The following MYH11 variants were observed in gnomAD, a reference collection of about 807,000 sequenced individuals.
The protein encoded by MYH11 is myosin-11.
A neutral mutation model predicts 246.6 loss-of-function variants in MYH11; 80 were observed. The observed-to-expected ratio is 0.32, with a 90% CI of 0.27 to 0.39. The LOEUF (loss-of-function observed/expected upper bound fraction) is 0.39, where lower values mean the gene tolerates loss of function less well. Among genes scored for constraint, MYH11 ranks in the 10% least tolerant of loss-of-function variants. The pLI is 1.00. For missense variants in MYH11, 2,158 were observed against 2,546.8 expected, an observed-to-expected ratio of 0.85 and a Z score of 3.29; for synonymous variants, 1,071 against 1,015.5, an observed-to-expected ratio of 1.05 and a Z score of -1.04.
At chr16:15,730,068 C>T (rs1289767176) in intron 27 of MYH11, among the ~76,000 whole-genome samples, 1 of 152,080 alleles carries the variant, frequency 6.6e-6, no homozygotes, top group East Asian at 1.9e-4. Flanking sequence ...TGTCTGGCAG[C>T]TCCCCATTCT....
At chr16:15,816,376 G>A (rs2043263447) in intron 3 of MYH11, among the ~76,000 whole-genome samples, 2 of 151,956 alleles carry the variant, frequency 1.3e-5, no homozygotes, top group African/African-American at 2.4e-5. Context: ...AGATTTTGGG[G>A]CAGAATTGGT....
At chr16:15,708,698 G>A in intron 40 of MYH11, 1 of 1,245,438 alleles carries the variant, frequency 8.0e-7, no homozygotes, top group Non-Finnish European at 1.2e-6. Context: ...GAATCTCGTG[G>A]AAATGTGCAA....
chr16:15,733,158 G>A (rs568248929), intron 26 of MYH11, among the ~76,000 whole-genome samples: 1 of 152,316 alleles, frequency 6.6e-6, no homozygotes, highest in South Asian at 2.1e-4. Flanking sequence ...AGGGTAAGCA[G>A]TTTTACCCAT....
chr16:15,752,043 C>A (rs765045199), intron 15 of MYH11, among the ~76,000 whole-genome samples: 1 of 151,966 alleles, frequency 6.6e-6, no homozygotes, highest in African/African-American at 2.4e-5. Context: ...CCTCCTGCCT[C>A]AGCCTCCCAA....
At chr16:15,745,582 CTTTT>C (rs71981525) in intron 19 of MYH11, among the ~76,000 whole-genome samples, 10 of 94,382 alleles carry the variant, frequency 1.1e-4, no homozygotes, top group African/African-American at 2.8e-4. Flanking sequence ...TTCTTTCTTT[CTTTT>C]TTTTTTTTTT....
At chr16:15,734,629 G>C (rs1294167684) in intron 26 of MYH11, among the ~76,000 whole-genome samples, 3 of 152,136 alleles carry the variant, frequency 2.0e-5, no homozygotes, top group Non-Finnish European at 1.5e-5. Context: ...CTTTTCTATA[G>C]TTTTCAAATT....
chr16:15,728,448 AAGT>A (rs2040863244), intron 27 of MYH11, among the ~76,000 whole-genome samples: 1 of 152,202 alleles, frequency 6.6e-6, no homozygotes, highest in Non-Finnish European at 1.5e-5. Context: ...TGCCACATCT[AAGT>A]AGCGGCTGGC....
At chr16:15,719,759 C>G in intron 34 of MYH11, 46 bp from the exon 35 acceptor site, 1 of 1,613,094 alleles carries the variant, frequency 6.2e-7, no homozygotes, top group South Asian at 1.1e-5. Flanking sequence ...CCTTACTCCC[C>G]CAAGTTCTGC....
At chr16:15,727,195 T>C in intron 27 of MYH11, 141 bp from the exon 28 acceptor site, 1 of 740,068 alleles carries the variant, frequency 1.4e-6, no homozygotes, top group Non-Finnish European at 2.3e-6. Context: ...GATTTGGGGT[T>C]TTTTTGTTGT....
intron 40 of MYH11, among the ~76,000 whole-genome samples, chr16:15,706,907 A>G (rs571861850): frequency 1.2e-3 from 187 of 152,270 alleles, no homozygotes; most frequent in Non-Finnish European, 1.9e-3. Context: ...AGCCTGCAAG[A>G]TACTCTGTTT....
At chr16:15,845,970 G>A (rs1295616434) in intron 1 of MYH11, among the ~76,000 whole-genome samples, 2 of 152,032 alleles carry the variant, frequency 1.3e-5, no homozygotes, top group South Asian at 2.1e-4. Context: ...TTGGTGGTAC[G>A]TGCCTGTAGC....
chr16:15,792,730 T>C (rs1250782994), intron 4 of MYH11: 9 of 152,180 alleles, frequency 5.9e-5, no homozygotes, highest in Admixed American at 5.9e-4. Flanking sequence ...ATTTATTTTA[T>C]TGTTATATAT....
intron 10 of MYH11, among the ~76,000 whole-genome samples, chr16:15,762,451 A>G (rs2041889521): frequency 6.6e-6 from 1 of 152,170 alleles, no homozygotes; most frequent in African/African-American, 2.4e-5. Flanking sequence ...GCTCCTGGGG[A>G]TAACATCACT....
In MYH11 at chr16:15,732,682, A is replaced by T; in HGVS notation, c.3533T>A (p.Val1178Glu). 6.2e-7 allele frequency: 1 copy of T among 1,614,216 alleles called. No homozygotes were observed. The change falls in exon 27 of 41, where the codon GTG (valine) becomes GAG (glutamate). Residue 1178 changes from valine to glutamate, a missense_variant. Val to Glu is a moderately radical substitution (Grantham distance 121). Coordinates refer to ENST00000300036, the MANE Select transcript of MYH11 (RefSeq NM_002474.3). ...LRAKREQEVT[V>E]LKKALDEETR... is the part of the protein sequence containing the mutation. ...CTCTTCATCCAGGGCCTTCTTCAGC[A>T]CCGTCACCTCCTGCTCCCTCTTGGC... is the stretch of plus-strand genomic sequence containing the variant.
At chr16:15,777,097 G>A (rs148346969) in intron 7 of MYH11, among the ~76,000 whole-genome samples, 3,529 of 145,438 alleles carry the variant, frequency 0.024, 146 homozygotes, top group African/African-American at 0.086. Flanking sequence ...GTATACACAC[G>A]CACACATACA....
rs538076910 is a variant in MYH11 at position 15,758,022 on chromosome 16, G to A, written c.1402-22C>T. The A allele has an allele frequency of 1.8e-5, 29 of 1,612,838 alleles. No homozygotes were observed. The East Asian group carries it at 2.2e-4, about 12-fold the overall frequency. On this transcript the variant is annotated intron_variant, in intron 12 of 40. Coordinates refer to ENST00000300036, the MANE Select transcript of MYH11 (RefSeq NM_002474.3). ...TCACCTGAGCACATGGCGTGGGGGC[G>A]GGGCGTGAGCATCTTGGTATGAAGT...
chr16:15,761,971 A>G (rs2041877401), intron 10 of MYH11, among the ~76,000 whole-genome samples: 1 of 152,056 alleles, frequency 6.6e-6, no homozygotes, highest in Non-Finnish European at 1.5e-5. Flanking sequence ...AACTTAGTTT[A>G]TAGTTTATTT....
chr16:15,730,417 C>G (rs1037272218), intron 27 of MYH11, among the ~76,000 whole-genome samples: 1 of 151,306 alleles, frequency 6.6e-6, no homozygotes, highest in African/African-American at 2.4e-5. Flanking sequence ...TGGTGTGTGC[C>G]TGTAGTCCCA....
intron 25 of MYH11, among the ~76,000 whole-genome samples, chr16:15,736,740 A>G (rs2041129173): frequency 6.6e-6 from 1 of 152,172 alleles, no homozygotes; most frequent in Admixed American, 6.5e-5. Context: ...AGAAGCAATG[A>G]CATTGCTCCT....
Sources: gnomAD v4.1 joint callset for allele counts (sites outside exome capture counted in the v4.1 genomes callset) on GRCh38, gnomAD v4.1.1 for gene constraint, MANE v1.5 for transcripts, NCBI Gene and HGNC (gene_info 2026-07-23, HGNC 2026-07-21) for gene names.